Variants in TNRC18 observed in about 807,000 individuals in gnomAD.
TNRC18 encodes the protein trinucleotide repeat-containing gene 18 protein.
In TNRC18, 69 loss-of-function variants were observed where a neutral mutation model predicts 226.7. The observed-to-expected ratio is 0.30, with a 90% CI of 0.25 to 0.37. The LOEUF (loss-of-function observed/expected upper bound fraction) is 0.37. TNRC18 is among the 10% of genes least tolerant of loss of function. TNRC18 has a pLI of 1.00. For synonymous variants in TNRC18, 2,449 were observed against 1,927.6 expected (o/e 1.27, Z -7.09); for missense variants, 4,754 against 4,256.6 (o/e 1.12, Z -3.25).
At chr7:5,355,338 T>C (rs1285450674) in intron 16 of TNRC18, among the ~76,000 whole-genome samples, 2 of 152,188 alleles carry the variant, frequency 1.3e-5, no homozygotes, top group Admixed American at 1.3e-4. Context: ...TTTCAAGAGC[T>C]CAATAGCAGC....
At chr7:5,337,551 T>C (rs147721661) in intron 18 of TNRC18, among the ~76,000 whole-genome samples, 1 of 149,936 alleles carries the variant, frequency 6.7e-6, no homozygotes, top group South Asian at 2.1e-4. Flanking sequence ...CTAAATGAAG[T>C]TCTTTGGGCT....
At chr7:5,355,889 G>A (rs1792316709) in intron 16 of TNRC18, among the ~76,000 whole-genome samples, 1 of 151,916 alleles carries the variant, frequency 6.6e-6, no homozygotes, top group Non-Finnish European at 1.5e-5. Context: ...AAAAACGCAC[G>A]GCACAGTAGC....
In TNRC18 at chr7:5,377,606, A is replaced by G; in HGVS notation, c.2256-30T>C. ...AAGGAGGATCATAGGTGTCAGCGAC[A>G]GCTCGGACAGCCCAGGGGACGAGAG... On this transcript the variant is annotated intron_variant, in intron 6 of 29. Coordinates refer to ENST00000430969, the MANE Select transcript of TNRC18 (RefSeq NM_001080495.3). This position sits in a 1 kb window ranked among gnomAD's most constrained non-coding sequence, Gnocchi z 5.8. 1 of 1,547,190 alleles carries G rather than the reference A, an allele frequency of 6.5e-7. No homozygotes were observed. The highest frequency in any genetic ancestry group is 8.8e-7 in the Non-Finnish European group (1 of 1,142,374).
chr7:5,348,744 G>GA (rs1216082359), intron 17 of TNRC18, among the ~76,000 whole-genome samples: 8 of 152,172 alleles, frequency 5.3e-5, no homozygotes, highest in Admixed American at 1.3e-4. Flanking sequence ...AGCAATGGAT[G>GA]AAGCAGGCTG....
At chr7:5,317,262 G>T (rs546689584) in intron 24 of TNRC18, among the ~76,000 whole-genome samples, 1 of 152,184 alleles carries the variant, frequency 6.6e-6, no homozygotes, top group South Asian at 2.1e-4. Flanking sequence ...CAAGCAGAAG[G>T]AGGGGGGACC....
At chr7:5,355,813 G>A (rs1217986513) in intron 16 of TNRC18, among the ~76,000 whole-genome samples, 1 of 152,130 alleles carries the variant, frequency 6.6e-6, no homozygotes, top group Non-Finnish European at 1.5e-5. Flanking sequence ...AGGAGCTCGA[G>A]GCTGCAGTGA....
At chr7:5,404,771 T>G (rs1398029403) in intron 2 of TNRC18, among the ~76,000 whole-genome samples, 1 of 145,680 alleles carries the variant, frequency 6.9e-6, no homozygotes, top group Non-Finnish European at 1.6e-5. Flanking sequence ...TCAGTGTGTG[T>G]GTGTGTGTGT....
rs1300267272 is a variant in TNRC18, at chr7:5,387,844, G to A, written c.1980C>T (p.Ser660=). 33 of 1,604,378 alleles carry A rather than the reference G, an allele frequency of 2.1e-5. No homozygotes were observed. The highest frequency in any genetic ancestry group is 8.9e-5 in the East Asian group (4 of 44,790). ...AGCCCTCGCGCCCGAAAGCTTTGGC[G>A]CTCTCGGGCCTCTCGGGGTCCCGCT... The part of the protein sequence containing the change: ...QLKRDPERPE[S]AKAFGREGSG... Residue 660 remains serine, a synonymous_variant, in exon 5 of 30, where the codon AGC becomes AGT. Transcript: ENST00000430969.
At chr7:5,399,152 C>T (rs1251686657) in intron 2 of TNRC18, among the ~76,000 whole-genome samples, 3 of 152,122 alleles carry the variant, frequency 2.0e-5, no homozygotes, top group African/African-American at 7.2e-5. Context: ...ACCCAAGGAC[C>T]GAGCAGTTGC....
chr7:5,403,118 A>G (rs1284453424), intron 2 of TNRC18, among the ~76,000 whole-genome samples: 1 of 151,588 alleles, frequency 6.6e-6, no homozygotes, highest in East Asian at 1.9e-4. Context: ...GCACATTTTC[A>G]ATCCCAGACA....
intron 2 of TNRC18, among the ~76,000 whole-genome samples, chr7:5,406,860 AAAG>A (rs1183708238): frequency 6.6e-5 from 10 of 151,210 alleles, no homozygotes; most frequent in African/African-American, 2.2e-4. Context: ...CAAAAAAAAA[AAAG>A]AAAGAAAGAA....
At position 5,394,316 on chromosome 7, in the gene TNRC18, G is replaced by T; in HGVS notation, c.343+124C>A. ...TGAGCGTTTGAGAAACAACAGGGAA[G>T]CCAGGTGACCTGGGACCCACCAGCC... On this transcript the variant is annotated intron_variant, in intron 3 of 29. Coordinates refer to ENST00000430969, the MANE Select transcript of TNRC18 (RefSeq NM_001080495.3). This position sits in a 1 kb window ranked among gnomAD's most constrained non-coding sequence, Gnocchi z 4.5. 1.1e-6 allele frequency: 1 copy of T among 890,872 alleles called. No individual in the cohort carries two copies. Among genetic ancestry groups the T allele is most frequent in the Non-Finnish European group, 1.6e-6 (1 of 615,924 alleles). The allele number at this position is 890,872 out of a possible 1,614,324, so 55.2% of individuals were successfully genotyped here. A position where few individuals can be genotyped will look rare whatever the true frequency, so the allele number is the denominator to read the frequency against.
intron 17 of TNRC18, among the ~76,000 whole-genome samples, chr7:5,346,900 T>C (rs1308787932): frequency 6.6e-6 from 1 of 152,048 alleles, no homozygotes; most frequent in Non-Finnish European, 1.5e-5. Context: ...GCAGGAACTG[T>C]GCTGTCCCCA....
Position 5,388,394 on chromosome 7 carries a change from C to T in TNRC18, c.1430G>A (p.Arg477His), listed in dbSNP as rs1368509146. The change falls in exon 5 of 30, where the codon CGT (arginine) becomes CAT (histidine). Residue 477 changes from arginine to histidine, a missense_variant. Coordinates refer to ENST00000430969, the MANE Select transcript of TNRC18 (RefSeq NM_001080495.3). ...AGGACCGGCTGGGCCGCGGGGCGCA[C>T]GCTCGCAGGGCCTCGGGTCCGCCTC... The part of the protein sequence containing the change: ...KPEADPRPCE[R>H]APRGPAGPAA... The T allele has an allele frequency of 3.3e-6, 5 of 1,514,222 alleles. No homozygotes were observed. Among genetic ancestry groups the T allele is most frequent in the African/African-American group, 1.4e-5 (1 of 69,692 alleles). The allele number at this position is 1,514,222 out of a possible 1,614,324, so 93.8% of individuals were successfully genotyped here.
chr7:5,368,760 G>A (rs912825281), intron 11 of TNRC18, among the ~76,000 whole-genome samples: 5 of 151,888 alleles, frequency 3.3e-5, no homozygotes, highest in East Asian at 1.9e-4. Flanking sequence ...AAGTAAATAT[G>A]TGTATGTGTG....
intron 17 of TNRC18, among the ~76,000 whole-genome samples, chr7:5,347,550 G>A (rs1181449734): frequency 1.3e-5 from 2 of 151,984 alleles, no homozygotes; most frequent in African/African-American, 4.8e-5. Context: ...CTGCAGTCCT[G>A]GCAACTCCGG....
At chr7:5,330,185 G>A (rs1191881879) in intron 19 of TNRC18, among the ~76,000 whole-genome samples, 1 of 152,024 alleles carries the variant, frequency 6.6e-6, no homozygotes, top group African/African-American at 2.4e-5. Flanking sequence ...GCCCACCTCG[G>A]CCTCCCAAAG....
chr7:5,374,298 G>T lies in TNRC18; in HGVS notation c.2986C>A (p.Pro996Thr). The change falls in exon 10 of 30, where the codon CCC (proline) becomes ACC (threonine). Residue 996 changes from proline (P) to threonine (T), a missense_variant. Coordinates refer to ENST00000430969, the MANE Select transcript of TNRC18 (RefSeq NM_001080495.3). ...AGGGCAGCCACAGGGGATGCGCGGG[G>T]TGATGGTGGCGGGCTCACGGCCTTG... ...YGKAVSPPPS[P>T]RASPVAALKA... is the part of the protein sequence containing the mutation. 3.4e-6 allele frequency: 5 copies of T among 1,457,168 alleles called. No individual in the cohort carries two copies. The highest frequency in any genetic ancestry group is 4.5e-6 in the Non-Finnish European group (5 of 1,108,514). The allele number at this position is 1,457,168 out of a possible 1,614,324, so 90.3% of individuals were successfully genotyped here. A position where few individuals can be genotyped will look rare whatever the true frequency, so the allele number is the denominator to read the frequency against.
At chr7:5,328,239 A>G (rs1789136706) in intron 19 of TNRC18, among the ~76,000 whole-genome samples, 2 of 151,212 alleles carry the variant, frequency 1.3e-5, no homozygotes, top group South Asian at 4.2e-4. Context: ...AAAAATACTG[A>G]TGTCCAGGTG....
Sources: gnomAD v4.1 joint callset for allele counts (sites outside exome capture counted in the v4.1 genomes callset) on GRCh38, gnomAD v4.1.1 for gene constraint, Gnocchi (gnomAD v3.1) non-coding constraint, MANE v1.5 for transcripts, NCBI Gene and HGNC (gene_info 2026-07-23, HGNC 2026-07-21) for gene names.